Variants in TEX14 observed in about 807,000 individuals in gnomAD.
The protein encoded by TEX14 is inactive serine/threonine-protein kinase TEX14.
TEX14 carries 168 observed loss-of-function variants against 178.6 expected under a neutral mutation model. The observed-to-expected ratio is 0.94, with a 90% confidence interval of 0.83 to 1.07. TEX14 has a LOEUF of 1.07. TEX14 is among the 50% of genes least tolerant of loss of function. TEX14 has a pLI of 0.00. For missense variants in TEX14, 1,730 were observed against 1,753.6 expected (o/e 0.99, Z 0.24); for synonymous variants, 626 against 634.1 (o/e 0.99, Z 0.19).
At chr17:58,583,456 G>C (rs937423057) in intron 19 of TEX14, among the ~76,000 whole-genome samples, 1 of 151,926 alleles carries the variant, frequency 6.6e-6, no homozygotes, top group Non-Finnish European at 1.5e-5. Flanking sequence ...TTGTAGGCAG[G>C]GTCATACTAT....
chr17:58,651,854 C>A lies in TEX14; in HGVS notation c.136+12G>T. On this transcript the variant is annotated intron_variant, in intron 2 of 31. Coordinates refer to ENST00000349033, the MANE Select transcript of TEX14 (RefSeq NM_031272.5). The stretch of plus-strand genomic sequence containing the variant: ...TACCAAGGTGCATCTGCCATCTCAA[C>A]ATGGTGCTTACCTTTCTTAAGAATT... 1 of 1,598,098 alleles carries A rather than the reference C, an allele frequency of 6.3e-7. No individual in the cohort carries two copies. Among genetic ancestry groups the A allele is most frequent in the South Asian group, 1.1e-5 (1 of 87,634 alleles).
chr17:58,683,500 C>T (rs1282729673), intron 1 of TEX14, among the ~76,000 whole-genome samples: 2 of 151,926 alleles, frequency 1.3e-5, no homozygotes, highest in Admixed American at 6.6e-5. Context: ...CGGTGGTTTA[C>T]GCCTGTAATC....
At position 58,615,324 on chromosome 17, in the gene TEX14, C is replaced by A; in HGVS notation, c.789G>T (p.Arg263Ser). 1 of 1,611,998 alleles carries A rather than the reference C, an allele frequency of 6.2e-7. No individual in the cohort carries two copies. Among genetic ancestry groups the A allele is most frequent in the South Asian group, 1.1e-5 (1 of 90,996 alleles). The stretch of plus-strand genomic sequence containing the variant: ...GGAGATTCAGCTCTTTCACTGTGAC[C>A]CTGCTCCCATTCCACACTAGGCTAC... ...VMTNLVWNGS[R>S]VTVKELNLPT... is the part of the protein sequence containing the mutation. Residue 263 changes from arginine to serine, a missense_variant, in exon 8 of 32, where the codon AGG (arginine) becomes AGT (serine). Transcript: ENST00000349033.
intron 2 of TEX14, chr17:58,631,590 AACATGAGGAAACCAACTACTATT>A: frequency 6.7e-6 from 1 of 148,798 alleles, no homozygotes; most frequent in Non-Finnish European, 1.5e-5. Flanking sequence ...AAAAATTAAA[AACATGAGGAAACCAACTACTATT>A]AACATCTGAA....
At position 58,599,269 on chromosome 17, in the gene TEX14, G is replaced by C; in HGVS notation, c.2076C>G (p.Asp692Glu). The C allele has an allele frequency of 1.2e-6, 2 of 1,613,430 alleles. No homozygotes were observed. Among genetic ancestry groups the C allele is most frequent in the Non-Finnish European group, 8.5e-7 (1 of 1,180,020 alleles). Residue 692 changes from aspartate to glutamate, a missense_variant, in exon 14 of 32, where the codon GAC becomes GAG. Transcript: ENST00000349033. ...TGAGTGAACCGTTTTGCCAGTCCCA[G>C]TCATCAAAAGAGTACTCTGTCTCAG... is the stretch of plus-strand genomic sequence containing the variant. ...SKAETEYSFD[D>E]WDWQNGSLSS...
chr17:58,662,413 T>TCACACA lies in TEX14; in HGVS notation c.-1-10412_-1-10411insTGTGTG, dbSNP rs555187857. Reference sequence around the variant, plus strand: ...TGTGTACAGATATATAGCACACATATCTCACACACACACACACACACACAC... The same window carrying TCACACA: ...TGTGTACAGATATATAGCACACATATCACACACTCACACACACACACACACACACAC... On this transcript the variant is annotated intron_variant, in intron 1 of 31. Coordinates refer to ENST00000349033, the MANE Select transcript of TEX14 (RefSeq NM_031272.5). Among the ~76,000 whole-genome samples, 323 of 127,738 alleles carry TCACACA rather than the reference T, an allele frequency of 2.5e-3. 3 individuals carry two copies. The highest frequency in any genetic ancestry group is 4.3e-3 in the Admixed American group (52 of 12,208). 83.8% of individuals were successfully genotyped at this position (127,738 alleles called of 152,430 possible). A position where few individuals can be genotyped will look rare whatever the true frequency, so the allele number is the denominator to read the frequency against.
At chr17:58,622,720 G>A (rs1027100459) in intron 4 of TEX14, 127 bp downstream of exon 4, 10 of 951,422 alleles carry the variant, frequency 1.1e-5, no homozygotes, top group African/African-American at 1.6e-5. Context: ...AATTTGCTTC[G>A]ATCCAAGCCT....
chr17:58,632,683 A>T (rs753057149), intron 2 of TEX14, among the ~76,000 whole-genome samples: 1 of 152,238 alleles, frequency 6.6e-6, no homozygotes, highest in Non-Finnish European at 1.5e-5. Context: ...TCACGCACCT[A>T]GGTCACGATA....
At chr17:58,593,452 C>T in intron 15 of TEX14, 103 bp downstream of exon 15, 1 of 851,996 alleles carries the variant, frequency 1.2e-6, no homozygotes, top group Non-Finnish European at 1.9e-6. Context: ...TCATCACTCA[C>T]AGTCCTTTTG....
Position 58,628,429 on chromosome 17 carries a change from T to G in TEX14, c.251+2011A>C, listed in dbSNP as rs189034065. Among the ~76,000 whole-genome samples the G allele has an allele frequency of 5.3e-5, 8 of 150,524 alleles. No individual in the cohort carries two copies. The East Asian group carries it at 1.4e-3, about 26-fold the overall frequency. On this transcript the variant is annotated intron_variant, in intron 3 of 31. Transcript: ENST00000349033. ...CTGCCTCTACTAAGAATACAAAAAT[T>G]AGGCCGGGCGCAGTGGCTCATGCCT...
At chr17:58,651,791 T>C in intron 2 of TEX14, 75 bp downstream of exon 2, 1 of 1,392,986 alleles carries the variant, frequency 7.2e-7, no homozygotes, top group Non-Finnish European at 9.7e-7. Context: ...CATACCTTTA[T>C]GACATTCCTT....
Position 58,556,966 on chromosome 17 carries a change from G to A in TEX14, c.*45C>T, listed in dbSNP as rs1332031816. ...AGAGAAGAAAGGAGCTTACAACCAG[G>A]ACACTCAAACTCAGGCCAGGAGTCC... On this transcript the variant is annotated 3_prime_UTR_variant, in exon 32 of 32. Transcript: ENST00000349033. 1 of 1,518,460 alleles carries A rather than the reference G, an allele frequency of 6.6e-7. No homozygotes were observed. Among genetic ancestry groups the A allele is most frequent in the South Asian group, 1.1e-5 (1 of 89,234 alleles). 94.1% of individuals were successfully genotyped at this position (1,518,460 alleles called of 1,614,324 possible). A position where few individuals can be genotyped will look rare whatever the true frequency, so the allele number is the denominator to read the frequency against.
At position 58,649,959 on chromosome 17, in the gene TEX14, C is replaced by T. The variant is rs376897424; in HGVS notation, c.136+1907G>A. On this transcript the variant is annotated intron_variant, in intron 2 of 31. Transcript: ENST00000349033. ...TTCACTATGTTGGCCAGGCTGGTCTCGAACTCCTGACCTCAGGTGATCCAC... is the reference window on the plus strand; with the variant it reads ...TTCACTATGTTGGCCAGGCTGGTCTTGAACTCCTGACCTCAGGTGATCCAC... Among the ~76,000 whole-genome samples the T allele has an allele frequency of 1.8e-4, 28 of 152,226 alleles. No individual in the cohort carries two copies. In the South Asian group the frequency reaches 5.4e-3, roughly 29 times the overall value.
intron 2 of TEX14, among the ~76,000 whole-genome samples, chr17:58,646,585 G>C (rs2046713110): frequency 6.6e-6 from 1 of 152,156 alleles, no homozygotes. Context: ...TCCCACCTCA[G>C]TCTGCAAGTA....
intron 10 of TEX14, among the ~76,000 whole-genome samples, chr17:58,607,678 CTG>C (rs2045641679): frequency 6.6e-6 from 1 of 152,238 alleles, no homozygotes; most frequent in Admixed American, 6.5e-5. Flanking sequence ...GGAGAAGAAA[CTG>C]TGGTACCTTT....
At chr17:58,620,329 T>C (rs2045969357) in intron 5 of TEX14, among the ~76,000 whole-genome samples, 1 of 152,112 alleles carries the variant, frequency 6.6e-6, no homozygotes, top group Non-Finnish European at 1.5e-5. Context: ...TTTAGTTTTA[T>C]TTGATTACTT....
chr17:58,601,124 G>A (rs142862446), intron 13 of TEX14, among the ~76,000 whole-genome samples: 100 of 151,980 alleles, frequency 6.6e-4, no homozygotes, highest in Middle Eastern at 3.4e-3. Flanking sequence ...GGTGGCTCAT[G>A]CCTGCAATCC....
intron 20 of TEX14, among the ~76,000 whole-genome samples, chr17:58,578,819 A>G (rs912979778): frequency 1.3e-5 from 2 of 152,246 alleles, no homozygotes; most frequent in Admixed American, 6.5e-5. Flanking sequence ...AAATGCTCCC[A>G]ACTCTGGCAG....
intron 23 of TEX14, among the ~76,000 whole-genome samples, chr17:58,572,736 C>T (rs2044566585): frequency 6.6e-6 from 1 of 151,640 alleles, no homozygotes; most frequent in South Asian, 2.1e-4. Context: ...TAAACTTTAC[C>T]AAAATAAAAT....
Sources: allele counts gnomAD v4.1 joint callset (sites outside exome capture counted in the v4.1 genomes callset), GRCh38; gene constraint gnomAD v4.1.1; transcripts MANE v1.5; gene names NCBI Gene and HGNC (gene_info 2026-07-23, HGNC 2026-07-21).